TENM2: variants seen among roughly 807,000 people sequenced by gnomAD.
TENM2 encodes the protein teneurin-2.
A neutral mutation model predicts 245.2 loss-of-function variants in TENM2; 52 were observed. That is an observed-to-expected ratio of 0.21 (90% CI 0.17 to 0.27). The LOEUF is 0.27. Among genes scored for constraint, TENM2 ranks in the 10% least tolerant of loss-of-function variants. The probability of loss-of-function intolerance (pLI) is 1.00; values close to 1 mark genes in which losing one functional copy is unlikely to be tolerated. For synonymous variants in TENM2, 1,363 were observed against 1,438.9 expected (o/e 0.95, Z 1.19); for missense variants, 3,046 against 3,666.8 (o/e 0.83, Z 4.37).
At chr5:167,113,571 A>T in the TENM2 span, among the ~76,000 whole-genome samples, 34 of 151,300 alleles carry the variant, frequency 2.2e-4, no homozygotes, top group Non-Finnish European at 4.3e-4. Flanking sequence ...TGAGCTTGGG[A>T]GGCTGACATT....
intron 13 of TENM2, among the ~76,000 whole-genome samples, chr5:168,184,619 G>A (rs1243185218): frequency 6.6e-6 from 1 of 152,190 alleles, no homozygotes; most frequent in Non-Finnish European, 1.5e-5. Context: ...CATTCCCTGA[G>A]CCATTTCCTA....
intron 2 of TENM2, among the ~76,000 whole-genome samples, chr5:167,654,951 G>A (rs1754743916): frequency 6.6e-6 from 1 of 151,966 alleles, no homozygotes; most frequent in South Asian, 2.1e-4. Flanking sequence ...ATTAGTAAAA[G>A]TATTAAATAA....
intron 2 of TENM2, among the ~76,000 whole-genome samples, chr5:167,575,141 AC>A (rs1774556818): frequency 6.6e-6 from 1 of 151,716 alleles, no homozygotes; most frequent in Admixed American, 6.6e-5. Flanking sequence ...AACAACCCAA[AC>A]CCACCTCTGA....
intron 1 of TENM2, among the ~76,000 whole-genome samples, chr5:167,369,172 A>T (rs1023837735): frequency 6.6e-6 from 1 of 152,158 alleles, no homozygotes; most frequent in Admixed American, 6.5e-5. Flanking sequence ...ACTCACCACC[A>T]TGTAGTTCCT....
intron 2 of TENM2, among the ~76,000 whole-genome samples, chr5:167,446,793 G>GCACACACACACACACACA (rs34343283): frequency 1.4e-5 from 2 of 143,912 alleles, no homozygotes; most frequent in African/African-American, 2.6e-5. Context: ...TTTGAAACAC[G>GCACACACACACACACACA]CACACACACA....
the TENM2 span, among the ~76,000 whole-genome samples, chr5:167,046,890 G>T: frequency 6.7e-6 from 1 of 149,904 alleles, no homozygotes; most frequent in Non-Finnish European, 1.5e-5. Flanking sequence ...GGTGTGTGAT[G>T]TTCCCCTCCC....
the TENM2 span, among the ~76,000 whole-genome samples, chr5:167,151,246 A>G: frequency 3.9e-5 from 6 of 152,284 alleles, no homozygotes; most frequent in African/African-American, 1.2e-4. Flanking sequence ...CATTTCTAAA[A>G]CATTATTATT....
At chr5:167,099,020 C>A in the TENM2 span, among the ~76,000 whole-genome samples, 1 of 152,274 alleles carries the variant, frequency 6.6e-6, no homozygotes, top group African/African-American at 2.4e-5. Context: ...AAAAAAATTT[C>A]TGTGTGGGAA....
In TENM2 at chr5:167,286,740, G is replaced by A. The variant is rs373820091; in HGVS notation, c.226+1677G>A. On this transcript the variant is annotated intron_variant, in intron 1 of 28. Transcript: ENST00000518659. ...CTAAGTTTTATTAAAAGTGCATCCT[G>A]GCTTCTGGATCATTGTGCACTGACA... Among the ~76,000 whole-genome samples the A allele has an allele frequency of 1.4e-4, 22 of 152,230 alleles. 1 individual carries two copies. The East Asian group carries it at 2.3e-3, about 16-fold the overall frequency.
intron 2 of TENM2, among the ~76,000 whole-genome samples, chr5:167,408,568 T>A (rs144491201): frequency 4.3e-4 from 65 of 152,244 alleles, no homozygotes; most frequent in African/African-American, 1.4e-3. Flanking sequence ...AATACTTTAC[T>A]GCGGTCTTTA....
chr5:167,785,638 A>G (rs1274087808), intron 2 of TENM2, among the ~76,000 whole-genome samples: 1 of 152,218 alleles, frequency 6.6e-6, no homozygotes, highest in African/African-American at 2.4e-5. Context: ...TGGTAGTTCA[A>G]GTAGGCAGGT....
At chr5:167,600,679 A>G (rs777693709) in intron 2 of TENM2, among the ~76,000 whole-genome samples, 2 of 152,202 alleles carry the variant, frequency 1.3e-5, no homozygotes, top group African/African-American at 2.4e-5. Context: ...TTCAGTCACT[A>G]TCATAACCCT....
chr5:167,310,029 A>G (rs750740688), intron 1 of TENM2, among the ~76,000 whole-genome samples: 18 of 152,152 alleles, frequency 1.2e-4, no homozygotes, highest in Admixed American at 6.5e-4. Context: ...ATAAGTACTT[A>G]GCTGGAAGTG....
At chr5:167,354,301 A>T (rs1169010951) in intron 1 of TENM2, among the ~76,000 whole-genome samples, 1 of 152,208 alleles carries the variant, frequency 6.6e-6, no homozygotes, top group African/African-American at 2.4e-5. Context: ...TGGCTCACTG[A>T]TTTTATCCAA....
At chr5:167,186,151 C>A in the TENM2 span, among the ~76,000 whole-genome samples, 2 of 152,126 alleles carry the variant, frequency 1.3e-5, no homozygotes, top group Non-Finnish European at 2.9e-5. Flanking sequence ...TAAAGATCAA[C>A]CTTTTTTTCC....
At chr5:167,046,862 C>T in the TENM2 span, among the ~76,000 whole-genome samples, 1 of 151,990 alleles carries the variant, frequency 6.6e-6, no homozygotes, top group East Asian at 2.0e-4. Context: ...CTTAGCCCCC[C>T]ACCCCCCGAC....
chr5:167,830,595 C>A (rs954832855), intron 2 of TENM2, among the ~76,000 whole-genome samples: 6 of 152,086 alleles, frequency 3.9e-5, no homozygotes, highest in African/African-American at 1.4e-4. Context: ...GGAAACAAAT[C>A]AATGTTGTGT....
rs35853452 is a variant in TENM2 at position 167,693,633 on chromosome 5, C to CAAA, written c.503-182338_503-182336dup. Among the ~76,000 whole-genome samples, 78 of 90,742 alleles carry CAAA rather than the reference C, an allele frequency of 8.6e-4. 1 individual carries two copies. Among genetic ancestry groups the CAAA allele is most frequent in the East Asian group, 7.6e-3 (26 of 3,414 alleles). The allele number at this position is 90,742 out of a possible 152,430, so 59.5% of individuals were successfully genotyped here. ...ACCTAAATTTTAAGAAATTTCTAGG[C>CAAA]AAAAAAAAAAAAAAAAACCACTTGA... On this transcript the variant is annotated intron_variant, in intron 2 of 28. Transcript: ENST00000518659.
the TENM2 span, among the ~76,000 whole-genome samples, chr5:167,092,798 G>A: frequency 6.6e-6 from 1 of 152,060 alleles, no homozygotes; most frequent in South Asian, 2.1e-4. Context: ...TAAGAAAAAG[G>A]GCAAAAGTTC....
Sources: allele counts gnomAD v4.1 joint callset (sites outside exome capture counted in the v4.1 genomes callset), GRCh38; gene constraint gnomAD v4.1.1; transcripts MANE v1.5; gene names NCBI Gene and HGNC (gene_info 2026-07-23, HGNC 2026-07-21).